The following TRIM27 variants were observed in gnomAD, a reference collection of about 807,000 sequenced individuals.
TRIM27 encodes tripartite motif containing 27, also known as zinc finger protein RFP.
In TRIM27, 12 loss-of-function variants were observed where a neutral mutation model predicts 57.6. The ratio of observed to expected loss-of-function variants is 0.21; its 90% CI spans 0.13 to 0.34. TRIM27 has a LOEUF of 0.34. Ranked by LOEUF, TRIM27 falls within the 10% of genes least tolerant of loss-of-function variation. The pLI is 1.00. For missense variants in TRIM27, 403 were observed against 656.8 expected (o/e 0.61, Z 4.22); for synonymous variants, 266 against 259.0 (o/e 1.03, Z -0.26).
In TRIM27 at chr6:28,923,830, C is replaced by T; in HGVS notation, c.-198G>A. On this transcript the variant is annotated 5_prime_UTR_variant, in exon 1 of 8. Transcript: ENST00000377199. The stretch of plus-strand genomic sequence containing the variant: ...GGCCGGGCCGATGCCTGCGCCTGTG[C>T]CCCCTAAGCGAGAGCGGGAATACGG... The T allele has an allele frequency of 1.7e-6, 1 of 597,298 alleles. No individual in the cohort carries two copies. Among genetic ancestry groups the T allele is most frequent in the East Asian group, 3.1e-5 (1 of 32,424 alleles). The allele number at this position is 597,298 out of a possible 1,614,324, so 37.0% of individuals were successfully genotyped here. A position where few individuals can be genotyped will look rare whatever the true frequency, so the allele number is the denominator to read the frequency against.
intron 6 of TRIM27, chr6:28,907,626 C>A: frequency 1.8e-6 from 1 of 556,608 alleles, no homozygotes; most frequent in Admixed American, 2.2e-5. Flanking sequence ...CATAAGTCAT[C>A]TGTGTACAAG....
At position 28,904,966 on chromosome 6, in the gene TRIM27, G is replaced by A. The variant is rs1189826053; in HGVS notation, c.947-301C>T. ...CTTGCTCTGTTGCCTAGGCTGGAGC[G>A]CAGTGGTGTGGTCATAGTTCATTGT... On this transcript the variant is annotated intron_variant, in intron 7 of 7. Coordinates refer to ENST00000377199, the MANE Select transcript of TRIM27 (RefSeq NM_006510.5). The surrounding 1 kb of genome is among the most constrained non-coding windows in gnomAD (Gnocchi z 6.1). 2.3e-5 allele frequency: 9 copies of A among 386,892 alleles called. No individual in the cohort carries two copies. The highest frequency in any genetic ancestry group is 8.3e-5 in the East Asian group (2 of 24,232). The allele number at this position is 386,892 out of a possible 1,614,324, so 24.0% of individuals were successfully genotyped here. A position where few individuals can be genotyped will look rare whatever the true frequency, so the allele number is the denominator to read the frequency against.
At position 28,921,119 on chromosome 6, in the gene TRIM27, G is replaced by A. The variant is rs571062588; in HGVS notation, c.516+773C>T. On this transcript the variant is annotated intron_variant, in intron 2 of 7. Coordinates refer to ENST00000377199, the MANE Select transcript of TRIM27 (RefSeq NM_006510.5). ...AGCCAGGCTGGGCGCGGTGGCTCAC[G>A]TCTGTAATCCCAGCACTTTGGGAGG... 2.8e-4 allele frequency among the ~76,000 whole-genome samples: 42 copies of A among 152,308 alleles called. No homozygotes were observed. The South Asian group carries it at 6.6e-3, about 24-fold the overall frequency.
At chr6:28,914,454 CATA>C (rs1485797784) in intron 3 of TRIM27, among the ~76,000 whole-genome samples, 1 of 151,468 alleles carries the variant, frequency 6.6e-6, no homozygotes, top group Admixed American at 6.6e-5. Flanking sequence ...AAAATAAGCA[CATA>C]ATAATATGTG....
chr6:28,920,758 GC>G (rs981220812), intron 2 of TRIM27, among the ~76,000 whole-genome samples: 1 of 152,162 alleles, frequency 6.6e-6, no homozygotes, highest in Admixed American at 6.5e-5. Flanking sequence ...GGCCTGGGAG[GC>G]TGGGGGTAAG....
At chr6:28,922,460 G>A (rs1394839448) in intron 1 of TRIM27, among the ~76,000 whole-genome samples, 2 of 152,116 alleles carry the variant, frequency 1.3e-5, no homozygotes, top group Admixed American at 6.6e-5. Context: ...ATAGCTGAAA[G>A]GTCCATAAAT....
Position 28,904,403 on chromosome 6 carries a change from C to G in TRIM27, c.1209G>C (p.Gln403His), listed in dbSNP as rs1190933770. Reference protein sequence around the residue: ...CRKGGVTSAPQNGFWAVSLWY... With the variant: ...CRKGGVTSAPHNGFWAVSLWY... ...ACAAAGACACTGCCCAGAATCCATT[C>G]TGGGGGGCTGAGGTTACTCCACCTT... is the stretch of plus-strand genomic sequence containing the variant. Residue 403 changes from glutamine to histidine, a missense_variant, in exon 8 of 8, where the codon CAG becomes CAC. By Grantham distance (24) the Gln-to-His change is conservative. Coordinates refer to ENST00000377199, the MANE Select transcript of TRIM27 (RefSeq NM_006510.5). The surrounding 1 kb of genome is among the most constrained non-coding windows in gnomAD (Gnocchi z 6.1). 1.9e-6 allele frequency: 3 copies of G among 1,612,942 alleles called. No individual in the cohort carries two copies. The highest frequency in any genetic ancestry group is 8.5e-7 in the Non-Finnish European group (1 of 1,180,012).
rs768844926 is a variant in TRIM27 at position 28,919,995 on chromosome 6, GGC to G, written c.747+15_747+16del. 1 of 1,605,546 alleles carries G rather than the reference GGC, an allele frequency of 6.2e-7. No homozygotes were observed. Among genetic ancestry groups the G allele is most frequent in the South Asian group, 1.1e-5 (1 of 90,164 alleles). On this transcript the variant is annotated intron_variant, in intron 3 of 7. Transcript: ENST00000377199. Reference sequence around the variant, plus strand: ...TTTTCAGTGGGTGCTGCTCTAGCAGGGCTCTGCAAGCCTTACCTGCAGGAGCT... The same window carrying G: ...TTTTCAGTGGGTGCTGCTCTAGCAGGTCTGCAAGCCTTACCTGCAGGAGCT...
In TRIM27 at chr6:28,907,278, A is replaced by T. The variant is rs765631424; in HGVS notation, c.920-16T>A. ...TCTCTTAATTCTGAAAGAATAAAAG[A>T]GCAAAGTTATGGAAGTCATGAGGGT... is the stretch of plus-strand genomic sequence containing the variant. On this transcript the variant is annotated splice_polypyrimidine_tract_variant and intron_variant, in intron 6 of 7. Transcript: ENST00000377199. 2.5e-6 allele frequency: 4 copies of T among 1,610,572 alleles called. No homozygotes were observed. Among genetic ancestry groups the T allele is most frequent in the Non-Finnish European group, 3.4e-6 (4 of 1,179,192 alleles).
At chr6:28,921,303 C>T (rs953733052) in intron 2 of TRIM27, among the ~76,000 whole-genome samples, 2 of 151,660 alleles carry the variant, frequency 1.3e-5, no homozygotes, top group African/African-American at 4.9e-5. Flanking sequence ...ATCGCTTGAA[C>T]TGGGAGGCAG....
At chr6:28,917,577 TAAA>T (rs9280510) in intron 3 of TRIM27, among the ~76,000 whole-genome samples, 2 of 131,238 alleles carry the variant, frequency 1.5e-5, no homozygotes, top group African/African-American at 2.8e-5. Context: ...GAGTATGTCT[TAAA>T]AAAAAAAAAA....
intron 6 of TRIM27, chr6:28,907,825 A>G: frequency 8.6e-6 from 3 of 348,356 alleles, no homozygotes. Context: ...TATCCACTGT[A>G]TTGAGTGGAG....
At chr6:28,909,438 T>C (rs1272832761) in intron 4 of TRIM27, among the ~76,000 whole-genome samples, 8 of 152,176 alleles carry the variant, frequency 5.3e-5, no homozygotes, top group Non-Finnish European at 1.0e-4. Context: ...TTCCATGACC[T>C]TCCAGGAACT....
At chr6:28,916,258 A>G (rs969646236) in intron 3 of TRIM27, among the ~76,000 whole-genome samples, 2 of 151,834 alleles carry the variant, frequency 1.3e-5, no homozygotes, top group African/African-American at 4.8e-5. Flanking sequence ...TTAAAAAAAT[A>G]TGCTAAGTGA....
At chr6:28,914,883 T>C (rs1581504427) in intron 3 of TRIM27, 1 of 152,170 alleles carries the variant, frequency 6.6e-6, no homozygotes, top group Non-Finnish European at 1.5e-5. Context: ...CCAGATATTT[T>C]ATCACTTGTT....
intron 3 of TRIM27, among the ~76,000 whole-genome samples, chr6:28,917,173 A>C (rs983114225): frequency 7.9e-5 from 12 of 152,076 alleles, no homozygotes; most frequent in Non-Finnish European, 1.8e-4. Flanking sequence ...GGAAAAAAAA[A>C]CACTCAAGTC....
chr6:28,908,845 G>A lies in TRIM27; in HGVS notation c.887-5C>T, dbSNP rs746854831. 2 of 1,613,290 alleles carry A rather than the reference G, an allele frequency of 1.2e-6. No homozygotes were observed. The highest frequency in any genetic ancestry group is 2.2e-5 in the East Asian group (1 of 44,854). On this transcript the variant is annotated splice_polypyrimidine_tract_variant and splice_region_variant and intron_variant, in intron 5 of 7. Transcript: ENST00000377199. ...CCATATCTGACTGCATTTTTTCTAAGAAAAGAAAACAAGAAAATATTCAGT... is the reference window on the plus strand; with the variant it reads ...CCATATCTGACTGCATTTTTTCTAAAAAAAGAAAACAAGAAAATATTCAGT...
At chr6:28,913,269 AATATAT>A (rs1219781094) in intron 3 of TRIM27, among the ~76,000 whole-genome samples, 1 of 135,584 alleles carries the variant, frequency 7.4e-6, no homozygotes, top group South Asian at 2.3e-4. Flanking sequence ...AAAAAAAAAA[AATATAT>A]ATATATATAT....
At chr6:28,907,559 T>C (rs1772856876) in intron 6 of TRIM27, 7 of 645,676 alleles carry the variant, frequency 1.1e-5, no homozygotes, top group Admixed American at 2.1e-5. Flanking sequence ...GTGAGTCAGC[T>C]GATTCTGCAG....
Sources: gnomAD v4.1 joint callset for allele counts (sites outside exome capture counted in the v4.1 genomes callset) on GRCh38, gnomAD v4.1.1 for gene constraint, Gnocchi (gnomAD v3.1) non-coding constraint, MANE v1.5 for transcripts, NCBI Gene and HGNC (gene_info 2026-07-23, HGNC 2026-07-21) for gene names.